The following SWAP70 variants were observed in gnomAD, a reference collection of about 807,000 sequenced individuals.
The protein encoded by SWAP70 is switch-associated protein 70.
Under a neutral mutation model 80.2 loss-of-function variants are expected in SWAP70, and 34 were observed. That is an observed-to-expected ratio of 0.42 (90% CI 0.32 to 0.56). SWAP70 has a LOEUF of 0.56. Among genes scored for constraint, SWAP70 ranks in the 20% least tolerant of loss-of-function variants. The pLI, the probability that SWAP70 is intolerant of heterozygous loss-of-function variation, is 0.09. For missense variants in SWAP70, 578 were observed against 690.7 expected, an observed-to-expected ratio of 0.84 and a Z score of 1.83; for synonymous variants, 239 against 238.5, an observed-to-expected ratio of 1.00 and a Z score of -0.02.
Position 9,752,896 on chromosome 11 carries a change from T to C in SWAP70, c.*2926T>C, listed in dbSNP as rs1038785970. Reference sequence around the variant, plus strand: ...TTTCTAAGATACATTAAAAATGTTTTATATTTTTTTTTAAGTAAAATGGAC... The same window carrying C: ...TTTCTAAGATACATTAAAAATGTTTCATATTTTTTTTTAAGTAAAATGGAC... On this transcript the variant is annotated 3_prime_UTR_variant, in exon 12 of 12. Coordinates refer to ENST00000318950, the MANE Select transcript of SWAP70 (RefSeq NM_015055.4). 2.0e-5 allele frequency: 3 copies of C among 152,236 alleles called. No individual in the cohort carries two copies. The highest frequency in any genetic ancestry group is 7.2e-5 in the African/African-American group (3 of 41,466). The allele number at this position is 152,236 out of a possible 1,614,324, so 9.4% of individuals were successfully genotyped here. A position where few individuals can be genotyped will look rare whatever the true frequency, so the allele number is the denominator to read the frequency against.
intron 9 of SWAP70, among the ~76,000 whole-genome samples, chr11:9,743,332 C>G (rs2133818052): frequency 6.6e-6 from 1 of 151,850 alleles, no homozygotes; most frequent in African/African-American, 2.4e-5. Context: ...CAAGTCTTTG[C>G]TATTGTGAAT....
rs777699732 is a variant in SWAP70, at chr11:9,728,081, G to A, written c.671G>A (p.Arg224Gln). 6 of 1,609,422 alleles carry A rather than the reference G, an allele frequency of 3.7e-6. No individual in the cohort carries two copies. The highest frequency in any genetic ancestry group is 1.7e-5 in the Admixed American group (1 of 59,288). Reference sequence around the variant, plus strand: ...TACATGATGAAAAAGGGCCACAGACGGAAAAACTGGACTGAAAGATGGTTT... The same window carrying A: ...TACATGATGAAAAAGGGCCACAGACAGAAAAACTGGACTGAAAGATGGTTT... ...QGYMMKKGHRRKNWTERWFVL... is the reference protein window; with the variant it reads ...QGYMMKKGHRQKNWTERWFVL... Residue 224 changes from arginine to glutamine, a missense_variant, in exon 5 of 12, where the codon CGG becomes CAG. Physicochemically the swap from Arg to Gln is conservative, Grantham distance 43. Coordinates refer to ENST00000318950, the MANE Select transcript of SWAP70 (RefSeq NM_015055.4).
intron 1 of SWAP70, among the ~76,000 whole-genome samples, chr11:9,685,418 G>A (rs1039443345): frequency 1.3e-5 from 2 of 151,970 alleles, no homozygotes. Context: ...CACAGTTCTG[G>A]ATACTGGAAA....
Position 9,704,784 on chromosome 11 carries a change from A to T in SWAP70, c.241-8682A>T, listed in dbSNP as rs539983039. 3.9e-5 allele frequency among the ~76,000 whole-genome samples: 6 copies of T among 152,256 alleles called. No homozygotes were observed. In the East Asian group the frequency reaches 1.2e-3, roughly 29 times the overall value. On this transcript the variant is annotated intron_variant, in intron 2 of 11. Transcript: ENST00000318950. ...ACTAGAAGCTCCTTAGAGACTACGTATGTCTTATTTTATGTGGGACTCCTC... is the reference window on the plus strand; with the variant it reads ...ACTAGAAGCTCCTTAGAGACTACGTTTGTCTTATTTTATGTGGGACTCCTC...
rs142826026 is a variant in SWAP70 at position 9,674,202 on chromosome 11, A to G, written c.99+9924A>G. Among the ~76,000 whole-genome samples, 990 of 152,206 alleles carry G rather than the reference A, an allele frequency of 6.5e-3. 10 individuals carry two copies. The highest frequency in any genetic ancestry group is 0.023 in the African/African-American group (938 of 41,524). ...AGGTGTGAGCCACTGCACCTGGCTG[A>G]GATTCTGTTTTCTGAGACCTGCTTC... is the stretch of plus-strand genomic sequence containing the variant. On this transcript the variant is annotated intron_variant, in intron 1 of 11. Transcript: ENST00000318950.
chr11:9,672,727 T>C (rs1850435088), intron 1 of SWAP70, among the ~76,000 whole-genome samples: 1 of 151,996 alleles, frequency 6.6e-6, no homozygotes, highest in Non-Finnish European at 1.5e-5. Flanking sequence ...TAAATGTGCT[T>C]GAGTCATTGC....
At chr11:9,671,047 C>T (rs990101986) in intron 1 of SWAP70, among the ~76,000 whole-genome samples, 1 of 144,480 alleles carries the variant, frequency 6.9e-6, no homozygotes, top group Non-Finnish European at 1.5e-5. Flanking sequence ...GCCACCATGC[C>T]CGGCCTATTA....
At chr11:9,744,733 C>T (rs1851489077) in intron 9 of SWAP70, among the ~76,000 whole-genome samples, 1 of 151,956 alleles carries the variant, frequency 6.6e-6, no homozygotes, top group African/African-American at 2.4e-5. Context: ...CATGGTGAAA[C>T]CCTGTCTCTA....
chr11:9,734,205 A>G (rs1280174742), intron 7 of SWAP70, among the ~76,000 whole-genome samples: 2 of 152,180 alleles, frequency 1.3e-5, no homozygotes, highest in African/African-American at 4.8e-5. Context: ...TCTTTCCCTC[A>G]TCCCTAACCC....
intron 3 of SWAP70, among the ~76,000 whole-genome samples, chr11:9,716,390 G>A (rs1851066611): frequency 6.6e-6 from 1 of 152,104 alleles, no homozygotes; most frequent in Non-Finnish European, 1.5e-5. Context: ...TTCAGGCCTG[G>A]GCAACTGGGG....
intron 4 of SWAP70, 54 bp downstream of exon 4, chr11:9,724,939 A>C: frequency 1.6e-6 from 2 of 1,252,806 alleles, no homozygotes; most frequent in South Asian, 2.7e-5. Flanking sequence ...GACATTTTAA[A>C]ATTAATATTT....
At chr11:9,732,087 A>T (rs564506400) in intron 6 of SWAP70, among the ~76,000 whole-genome samples, 19 of 152,336 alleles carry the variant, frequency 1.2e-4, no homozygotes, top group Admixed American at 2.6e-4. Flanking sequence ...GTAGGTTGCA[A>T]ATTAGATATC....
chr11:9,704,632 A>G (rs926047766), intron 2 of SWAP70, among the ~76,000 whole-genome samples: 2 of 152,128 alleles, frequency 1.3e-5, no homozygotes, highest in Admixed American at 6.5e-5. Context: ...GCCTCAAGTC[A>G]TCTGCCTGCC....
chr11:9,671,050 G>A (rs1356747053), intron 1 of SWAP70, among the ~76,000 whole-genome samples: 1 of 144,072 alleles, frequency 6.9e-6, no homozygotes, highest in Admixed American at 7.2e-5. Flanking sequence ...ACCATGCCCG[G>A]CCTATTATTG....
chr11:9,686,344 C>CT (rs1554983886), intron 1 of SWAP70, among the ~76,000 whole-genome samples: 8 of 143,880 alleles, frequency 5.6e-5, no homozygotes, highest in African/African-American at 2.0e-4. Flanking sequence ...CTTTTATTTT[C>CT]TTATTTATTT....
chr11:9,677,297 C>T (rs947148891), intron 1 of SWAP70, among the ~76,000 whole-genome samples: 1 of 151,848 alleles, frequency 6.6e-6, no homozygotes, highest in African/African-American at 2.4e-5. Context: ...CTGAAAGATG[C>T]TAAATCTCCA....
At chr11:9,715,629 A>G (rs1851056407) in intron 3 of SWAP70, among the ~76,000 whole-genome samples, 1 of 152,186 alleles carries the variant, frequency 6.6e-6, no homozygotes, top group African/African-American at 2.4e-5. Context: ...AGCATGTCTC[A>G]CATGGTGGCA....
chr11:9,688,393 A>T (rs1384256841), intron 1 of SWAP70, among the ~76,000 whole-genome samples: 1 of 152,180 alleles, frequency 6.6e-6, no homozygotes, highest in African/African-American at 2.4e-5. Flanking sequence ...AAGGCTTCAG[A>T]AAGAGATGCC....
At chr11:9,692,805 G>A (rs1272371694) in intron 1 of SWAP70, among the ~76,000 whole-genome samples, 2 of 151,976 alleles carry the variant, frequency 1.3e-5, no homozygotes, top group Non-Finnish European at 1.5e-5. Flanking sequence ...AAGCTCCACC[G>A]TACTCTTTTC....
Sources: gnomAD v4.1 joint callset for allele counts (sites outside exome capture counted in the v4.1 genomes callset) on GRCh38, gnomAD v4.1.1 for gene constraint, MANE v1.5 for transcripts, NCBI Gene and HGNC (gene_info 2026-07-23, HGNC 2026-07-21) for gene names.